AP1B1: variants seen among roughly 807,000 people sequenced by gnomAD.
AP1B1 encodes the protein adaptor related protein complex 1 subunit beta 1.
A neutral mutation model predicts 104.3 loss-of-function variants in AP1B1; 36 were observed. That is an observed-to-expected ratio of 0.35 (90% CI 0.26 to 0.46). AP1B1 has a LOEUF of 0.46. AP1B1 is among the 20% of genes least tolerant of loss of function. The pLI is 1.00. For missense variants in AP1B1, 901 were observed against 1,247.9 expected (o/e 0.72, Z 4.19); for synonymous variants, 504 against 517.5 (o/e 0.97, Z 0.35).
chr22:29,349,199 G>C lies in AP1B1; in HGVS notation c.1437+19C>G, dbSNP rs1274690571. 3.1e-6 allele frequency: 5 copies of C among 1,610,054 alleles called. No individual in the cohort carries two copies. Among genetic ancestry groups the C allele is most frequent in the Non-Finnish European group, 4.2e-6 (5 of 1,179,728 alleles). On this transcript the variant is annotated intron_variant, in intron 11 of 22. Coordinates refer to ENST00000357586, the MANE Select transcript of AP1B1 (RefSeq NM_001127.4). ...AGCTGCCAGTCATGACTCACACCCT[G>C]GCCAGCTCGCTGGCTCACCTGTGTG... is the stretch of plus-strand genomic sequence containing the variant.
intron 21 of AP1B1, 48 bp downstream of exon 21, chr22:29,330,330 G>A (rs2061537884): frequency 1.2e-6 from 2 of 1,607,850 alleles, no homozygotes; most frequent in Non-Finnish European, 1.7e-6. Context: ...CCTGGCATGG[G>A]ACGAAGGGGA....
intron 1 of AP1B1, among the ~76,000 whole-genome samples, chr22:29,372,745 T>C (rs2062262114): frequency 6.6e-6 from 1 of 152,178 alleles, no homozygotes; most frequent in Non-Finnish European, 1.5e-5. Context: ...CTAAATATAA[T>C]TTTAGGAACA....
Position 29,334,358 on chromosome 22 carries a change from G to T in AP1B1, c.2216C>A (p.Thr739Asn), listed in dbSNP as rs1395587910. Reference sequence around the variant, plus strand: ...CATGGAGATGGAGCCCACCTGGCGGGTGAAGGTGCCTGAGATCTCCAGCCC... The same window carrying T: ...CATGGAGATGGAGCCCACCTGGCGGTTGAAGGTGCCTGAGATCTCCAGCCC... ...AKGLEISGTF[T>N]RQVGSISMDL... is the part of the protein sequence containing the mutation. The change falls in exon 17 of 23, where the codon ACC becomes AAC. Residue 739 changes from threonine to asparagine, a missense_variant. By Grantham distance (65) the Thr-to-Asn change is moderately conservative. Around this residue, in one of 3 missense-constraint regions of AP1B1, gnomAD observed 424 missense variants for 494.0 expected, o/e 0.86. Transcript: ENST00000357586. 6.2e-7 allele frequency: 1 copy of T among 1,611,496 alleles called. No individual in the cohort carries two copies. Among genetic ancestry groups the T allele is most frequent in the African/African-American group, 1.3e-5 (1 of 74,896 alleles).
At chr22:29,357,387 A>T (rs1284831043) in intron 5 of AP1B1, among the ~76,000 whole-genome samples, 1 of 151,634 alleles carries the variant, frequency 6.6e-6, no homozygotes, top group Non-Finnish European at 1.5e-5. Flanking sequence ...TGTTTTTGAG[A>T]TTGAGTCTCA....
intron 13 of AP1B1, 77 bp downstream of exon 13, chr22:29,341,424 C>A: frequency 6.5e-7 from 1 of 1,549,192 alleles, no homozygotes; most frequent in Admixed American, 1.8e-5. Flanking sequence ...GGACAACACG[C>A]CAGGCCTGAG....
In AP1B1 at chr22:29,351,716, T is replaced by C; in HGVS notation, c.1048A>G (p.Asn350Asp). Residue 350 changes from asparagine to aspartate, a missense_variant, in exon 8 of 23, where the codon AAC (asparagine) becomes GAC (aspartate). Asn to Asp is a conservative substitution (Grantham distance 23, BLOSUM62 1). Around this residue, in one of 3 missense-constraint regions of AP1B1, gnomAD observed 471 missense variants for 696.7 expected, o/e 0.68. Transcript: ENST00000357586. ...DIMIRLASQANIAQVLAELKE... is the reference protein window; with the variant it reads ...DIMIRLASQADIAQVLAELKE... ...CACACGCAGCTGACCTGGGCGATGTTGGCCTGAGAGGCCAGGCGGATCATG... is the reference window on the plus strand; with the variant it reads ...CACACGCAGCTGACCTGGGCGATGTCGGCCTGAGAGGCCAGGCGGATCATG... 6.2e-7 allele frequency: 1 copy of C among 1,614,042 alleles called. No homozygotes were observed. The highest frequency in any genetic ancestry group is 1.3e-5 in the African/African-American group (1 of 75,068).
In AP1B1 at chr22:29,341,834, T is replaced by C. The variant is rs2301587; in HGVS notation, c.1537-74A>G. 262,165 of 1,515,426 alleles carry C rather than the reference T, an allele frequency of 0.17. 24,069 individuals carry two copies. Among genetic ancestry groups the C allele is most frequent in the East Asian group, 0.32 (13,905 of 43,442 alleles). The allele number at this position is 1,515,426 out of a possible 1,614,324, so 93.9% of individuals were successfully genotyped here. A position where few individuals can be genotyped will look rare whatever the true frequency, so the allele number is the denominator to read the frequency against. Reference sequence around the variant, plus strand: ...AAGGGAGGAGACCTTCCTGCAGCCATGAGCCAGGTGCGGCACAGGGGTGGC... The same window carrying C: ...AAGGGAGGAGACCTTCCTGCAGCCACGAGCCAGGTGCGGCACAGGGGTGGC... On this transcript the variant is annotated intron_variant, in intron 12 of 22. Transcript: ENST00000357586.
chr22:29,331,565 G>A (rs1158019390), intron 18 of AP1B1, 32 bp from the exon 19 acceptor site: 2 of 1,611,686 alleles, frequency 1.2e-6, no homozygotes, highest in East Asian at 4.5e-5. Context: ...GTCAGTCTCT[G>A]GGGCTTGACG....
chr22:29,342,369 C>T lies in AP1B1; in HGVS notation c.1452G>A (p.Leu484=), dbSNP rs2061727742. 1 of 1,613,916 alleles carries T rather than the reference C, an allele frequency of 6.2e-7. No individual in the cohort carries two copies. The highest frequency in any genetic ancestry group is 8.5e-7 in the Non-Finnish European group (1 of 1,179,980). ...HDESTQVQLQ[L]LTAIVKLFLK... The stretch of plus-strand genomic sequence containing the variant: ...GAAAGAGTTTCACAATGGCTGTCAG[C>T]AGCTGCAGCTGGACCTGCAGGGAAC... The change falls in exon 12 of 23, where the codon CTG becomes CTA. Residue 484 remains leucine, a synonymous_variant. Coordinates refer to ENST00000357586, the MANE Select transcript of AP1B1 (RefSeq NM_001127.4).
At chr22:29,355,857 CAAAA>C (rs35014386) in intron 6 of AP1B1, among the ~76,000 whole-genome samples, 3 of 57,868 alleles carry the variant, frequency 5.2e-5, no homozygotes, top group Non-Finnish European at 7.5e-5. Context: ...GAGACCCTGC[CAAAA>C]AAAAAAAAAA....
intron 7 of AP1B1, among the ~76,000 whole-genome samples, chr22:29,354,040 G>A (rs2061917017): frequency 6.6e-6 from 1 of 152,182 alleles, no homozygotes. Flanking sequence ...CATACCACGT[G>A]CCCTGGGAGC....
chr22:29,350,707 C>G (rs972799130), intron 9 of AP1B1, among the ~76,000 whole-genome samples: 30 of 152,092 alleles, frequency 2.0e-4, no homozygotes, highest in Non-Finnish European at 3.8e-4. Flanking sequence ...GCTTAGTGGT[C>G]GAGGAACATC....
At chr22:29,357,051 T>A (rs909198571) in intron 5 of AP1B1, among the ~76,000 whole-genome samples, 14 of 126,730 alleles carry the variant, frequency 1.1e-4, no homozygotes, top group Non-Finnish European at 9.7e-5. Flanking sequence ...ACTAGGAAGG[T>A]GTTTTTTTTT....
chr22:29,351,398 A>T, intron 8 of AP1B1, 132 bp from the exon 9 acceptor site: 1 of 1,109,654 alleles, frequency 9.0e-7, no homozygotes. Flanking sequence ...TAGAAGGCCC[A>T]AGGGAGAGAG....
intron 22 of AP1B1, 123 bp from the exon 23 acceptor site, chr22:29,329,018 C>A: frequency 6.7e-7 from 1 of 1,484,848 alleles, no homozygotes. Flanking sequence ...AGCCTGGCGG[C>A]AGCTGCGCCT....
At chr22:29,353,472 T>C (rs2061908551) in intron 7 of AP1B1, among the ~76,000 whole-genome samples, 1 of 152,216 alleles carries the variant, frequency 6.6e-6, no homozygotes, top group Non-Finnish European at 1.5e-5. Flanking sequence ...CAGGGAATCC[T>C]GCACGCTGAT....
At chr22:29,369,858 T>G (rs1045131278) in intron 1 of AP1B1, among the ~76,000 whole-genome samples, 9 of 135,376 alleles carry the variant, frequency 6.6e-5, no homozygotes, top group African/African-American at 2.5e-4. Context: ...TTTTTTTTTT[T>G]GCACACACAT....
At chr22:29,340,551 T>A (rs2061698635) in intron 14 of AP1B1, 105 bp downstream of exon 14, 1 of 1,205,238 alleles carries the variant, frequency 8.3e-7, no homozygotes, top group Non-Finnish European at 1.1e-6. Flanking sequence ...GGACTCTATA[T>A]AATGTACCTG....
chr22:29,376,873 ACTC>A (rs142110410), intron 1 of AP1B1, among the ~76,000 whole-genome samples: 2,056 of 151,636 alleles, frequency 0.014, 56 homozygotes, highest in African/African-American at 0.047. Flanking sequence ...GCTATTCACC[ACTC>A]CTCATTTGTC....
Sources: allele counts gnomAD v4.1 joint callset (sites outside exome capture counted in the v4.1 genomes callset), GRCh38; gene constraint gnomAD v4.1.1; regional missense constraint gnomAD v4.1.1; transcripts MANE v1.5; gene names NCBI Gene and HGNC (gene_info 2026-07-23, HGNC 2026-07-21).